POU2F2: variants seen among roughly 807,000 people sequenced by gnomAD.
The protein encoded by POU2F2 is POU domain, class 2, transcription factor 2.
A neutral mutation model predicts 63.5 loss-of-function variants in POU2F2; 14 were observed. That is an observed-to-expected ratio of 0.22 (90% CI 0.15 to 0.34). The LOEUF is 0.34. Among genes scored for constraint, POU2F2 ranks in the 10% least tolerant of loss-of-function variants. The pLI, the probability that POU2F2 is intolerant of heterozygous loss-of-function variation, is 1.00. For synonymous variants in POU2F2, 306 were observed against 348.6 expected (o/e 0.88, Z 1.36); for missense variants, 607 against 815.2 (o/e 0.74, Z 3.11).
At chr19:42,168,713 G>T (rs2034699633) in intron 1 of POU2F2, among the ~76,000 whole-genome samples, 1 of 152,194 alleles carries the variant, frequency 6.6e-6, no homozygotes, top group Non-Finnish European at 1.5e-5. Flanking sequence ...GGCATAGTGG[G>T]GTAAGGGTAG....
intron 7 of POU2F2, among the ~76,000 whole-genome samples, chr19:42,097,793 G>T (rs1255947114): frequency 6.6e-6 from 1 of 152,166 alleles, no homozygotes; most frequent in Non-Finnish European, 1.5e-5. Flanking sequence ...GGGTGACAGA[G>T]TAAGACCCTG....
upstream of POU2F2, chr19:42,134,459 T>G (rs1228393132): frequency 1.3e-5 from 2 of 152,410 alleles, no homozygotes; most frequent in Non-Finnish European, 2.9e-5. Context: ...GGCTCCATTC[T>G]CAGTGCCTCA....
intron 5 of POU2F2, among the ~76,000 whole-genome samples, chr19:42,100,085 CTTTTTTTTTTTTTTTTT>C (rs948283094): frequency 3.9e-5 from 3 of 77,068 alleles, no homozygotes; most frequent in Admixed American, 1.5e-4. Flanking sequence ...CCCTTTCTTT[CTTTTTTTTTTTTTTTTT>C]TTTTTTTTTT....
chr19:42,107,933 T>C (rs902964697), intron 5 of POU2F2, among the ~76,000 whole-genome samples: 2 of 152,088 alleles, frequency 1.3e-5, no homozygotes, highest in Non-Finnish European at 2.9e-5. Context: ...CCCACTGATC[T>C]CCTTCCTGTT....
intron 2 of POU2F2, among the ~76,000 whole-genome samples, chr19:42,145,721 G>C (rs2034216610): frequency 6.6e-6 from 1 of 152,128 alleles, no homozygotes; most frequent in South Asian, 2.1e-4. Flanking sequence ...GATTGCTTGA[G>C]GTCAGGAGTT....
rs1053159888 is a variant in POU2F2 at position 42,117,013 on chromosome 19, GTGTC to G, written c.369+233_369+236del. ...TGGCATCAGTGCCGTGAGCTGCGGG[GTGTC>G]GGGGACAGCAGGAATTGGAGCAAGG... On this transcript the variant is annotated intron_variant, in intron 5 of 14. Transcript: ENST00000692977. This position sits in a 1 kb window ranked among gnomAD's most constrained non-coding sequence, Gnocchi z 4.4. The G allele has an allele frequency of 1.6e-6, 1 of 631,278 alleles. No homozygotes were observed. The highest frequency in any genetic ancestry group is 2.9e-6 in the Non-Finnish European group (1 of 348,744). 39.1% of individuals were successfully genotyped at this position (631,278 alleles called of 1,614,324 possible).
chr19:42,091,283 G>C lies in POU2F2; in HGVS notation c.1849C>G (p.Pro617Ala). Residue 617 changes from proline (P) to alanine (A), a missense_variant, in exon 15 of 15, where the codon CCC becomes GCC. By Grantham distance (27) the Pro-to-Ala change is conservative. Coordinates refer to ENST00000692977, the MANE Select transcript of POU2F2 (RefSeq NM_001394376.1). Reference sequence around the variant, plus strand: ...CACTCAGGTTTGGACCCTGCCTCGGGCCCCCCTGGACCTCCAGGGGTCTGT... The same window carrying C: ...CACTCAGGTTTGGACCCTGCCTCGGCCCCCCCTGGACCTCCAGGGGTCTGT... ...AAQTPGGPGGPEAGSKPE is the reference protein window; with the variant it reads ...AAQTPGGPGGAEAGSKPE The C allele has an allele frequency of 6.5e-7, 1 of 1,532,716 alleles. No individual in the cohort carries two copies. Among genetic ancestry groups the C allele is most frequent in the Non-Finnish European group, 8.7e-7 (1 of 1,145,968 alleles). 94.9% of individuals were successfully genotyped at this position (1,532,716 alleles called of 1,614,324 possible).
At chr19:42,135,707 T>TC (rs1451678017), upstream of POU2F2, among the ~76,000 whole-genome samples, 12 of 147,304 alleles carry the variant, frequency 8.1e-5, no homozygotes, top group Non-Finnish European at 6.0e-5. Flanking sequence ...TCCAGGCTCT[T>TC]TTTTTTTTTT....
At chr19:42,163,026 C>T (rs753609439) in intron 1 of POU2F2, among the ~76,000 whole-genome samples, 2 of 152,118 alleles carry the variant, frequency 1.3e-5, no homozygotes, top group Non-Finnish European at 2.9e-5. Context: ...AATGGAGGCT[C>T]AGACAGGTAA....
intron 1 of POU2F2, among the ~76,000 whole-genome samples, chr19:42,195,277 A>G (rs1036560026): frequency 1.3e-5 from 2 of 150,968 alleles, no homozygotes; most frequent in African/African-American, 4.9e-5. Flanking sequence ...TAACACAGGA[A>G]AGGAGGGAGG....
chr19:42,166,621 C>T (rs186858705), intron 1 of POU2F2, among the ~76,000 whole-genome samples: 11 of 152,136 alleles, frequency 7.2e-5, no homozygotes, highest in Admixed American at 6.5e-4. Context: ...AGGGGAAGGG[C>T]AGCAGTGTGC....
At chr19:42,142,431 C>A (rs2146757537) in intron 2 of POU2F2, among the ~76,000 whole-genome samples, 1 of 152,248 alleles carries the variant, frequency 6.6e-6, no homozygotes. Context: ...ACCTTGTGAT[C>A]CTCCTGCCTG....
chr19:42,136,336 C>T (rs995477983), upstream of POU2F2, among the ~76,000 whole-genome samples: 4 of 151,962 alleles, frequency 2.6e-5, no homozygotes, highest in African/African-American at 9.7e-5. Context: ...AGGCGTGCAC[C>T]ACCACATCCA....
At chr19:42,182,689 C>T (rs2034975614) in intron 1 of POU2F2, among the ~76,000 whole-genome samples, 1 of 152,142 alleles carries the variant, frequency 6.6e-6, no homozygotes, top group Admixed American at 6.6e-5. Flanking sequence ...GGGCAGCCAG[C>T]TGTCTCCATC....
Position 42,091,061 on chromosome 19 carries a change from T to G in POU2F2, c.*196A>C. On this transcript the variant is annotated 3_prime_UTR_variant, in exon 15 of 15. Transcript: ENST00000692977. ...GCAGCTGGTTTCTGTTGTGATTATT[T>G]TTGGTTTTCTCTTTTGTTGGTTAGT... 1 of 460,832 alleles carries G rather than the reference T, an allele frequency of 2.2e-6. No individual in the cohort carries two copies. Among genetic ancestry groups the G allele is most frequent in the South Asian group, 6.2e-5 (1 of 16,178 alleles). 28.5% of individuals were successfully genotyped at this position (460,832 alleles called of 1,614,324 possible).
chr19:42,190,661 C>T lies in POU2F2; in HGVS notation c.-70+5722G>A, dbSNP rs572454753. Among the ~76,000 whole-genome samples the T allele has an allele frequency of 4.6e-5, 7 of 152,114 alleles. No homozygotes were observed. In the East Asian group the frequency reaches 7.7e-4, roughly 17 times the overall value. On this transcript the variant is annotated intron_variant, in intron 1 of 5. Coordinates refer to the POU2F2 transcript ENST00000532176. ...TTGAGGTCAGGAATTCGAGACCAGCCTGGCCAAGATGGTGAAAGCCTGTCT... is the reference window on the plus strand; with the variant it reads ...TTGAGGTCAGGAATTCGAGACCAGCTTGGCCAAGATGGTGAAAGCCTGTCT...
chr19:42,163,711 T>G (rs1035824217), intron 1 of POU2F2, among the ~76,000 whole-genome samples: 1 of 152,068 alleles, frequency 6.6e-6, no homozygotes, highest in African/African-American at 2.4e-5. Context: ...TTTTCACACA[T>G]GTGAGAGGCT....
Position 42,169,812 on chromosome 19 carries a change from T to C in POU2F2, c.-70+6151A>G, listed in dbSNP as rs550211265. On this transcript the variant is annotated intron_variant, in intron 1 of 6. Coordinates refer to the POU2F2 transcript ENST00000524801. The surrounding 1 kb of genome is among the most constrained non-coding windows in gnomAD (Gnocchi z 4.3). ...ACATGTGCGTGTGTACCTGTGTGTC[T>C]TTCTTCCCCTCGCTGCTGCGCCTTC... is the stretch of plus-strand genomic sequence containing the variant. Among the ~76,000 whole-genome samples, 10 of 152,224 alleles carry C rather than the reference T, an allele frequency of 6.6e-5. No individual in the cohort carries two copies. The highest frequency in any genetic ancestry group is 2.4e-4 in the African/African-American group (10 of 41,528).
At chr19:42,189,102 G>C (rs985357787) in intron 1 of POU2F2, among the ~76,000 whole-genome samples, 3 of 152,188 alleles carry the variant, frequency 2.0e-5, no homozygotes, top group African/African-American at 7.2e-5. Context: ...AATGTGAGTG[G>C]TTTCAGTGAG....
Sources: gnomAD v4.1 joint callset for allele counts (sites outside exome capture counted in the v4.1 genomes callset) on GRCh38, gnomAD v4.1.1 for gene constraint, Gnocchi (gnomAD v3.1) non-coding constraint, MANE v1.5 for transcripts, NCBI Gene and HGNC (gene_info 2026-07-23, HGNC 2026-07-21) for gene names.